Variants in SLC25A26 observed in about 807,000 individuals in gnomAD.
SLC25A26 encodes mitochondrial S-adenosylmethionine carrier protein.
A neutral mutation model predicts 37.8 loss-of-function variants in SLC25A26; 36 were observed. That is an observed-to-expected ratio of 0.95 (90% CI 0.73 to 1.26). The LOEUF is 1.26. SLC25A26 is among the 50% of genes most tolerant of loss of function. The pLI is 0.00. For synonymous variants in SLC25A26, 129 were observed against 122.5 expected (o/e 1.05, Z -0.35); for missense variants, 390 against 331.1 (o/e 1.18, Z -1.38).
chr3:66,309,406 T>C (rs949943911), intron 5 of SLC25A26, among the ~76,000 whole-genome samples: 2 of 151,698 alleles, frequency 1.3e-5, no homozygotes, highest in African/African-American at 4.8e-5. Context: ...TCTCTCTTCA[T>C]TGGTCTGGCT....
chr3:66,308,658 C>A (rs555332642), intron 5 of SLC25A26, among the ~76,000 whole-genome samples: 8 of 151,298 alleles, frequency 5.3e-5, no homozygotes, highest in Non-Finnish European at 1.5e-5. Context: ...TATTCCATAA[C>A]TATTCATAAC....
At chr3:66,164,316 G>A (rs1489828721) in intron 1 of SLC25A26, among the ~76,000 whole-genome samples, 1 of 152,144 alleles carries the variant, frequency 6.6e-6, no homozygotes, top group Admixed American at 6.5e-5. Context: ...AGATATCTGG[G>A]TGAGCTTCCC....
chr3:66,333,521 G>C (rs531169113), intron 5 of SLC25A26, among the ~76,000 whole-genome samples: 5 of 152,064 alleles, frequency 3.3e-5, no homozygotes, highest in African/African-American at 9.7e-5. Flanking sequence ...TAATTTTTCC[G>C]ACTCATACTG....
chr3:66,233,234 G>T (rs2072117199), intron 1 of SLC25A26, among the ~76,000 whole-genome samples: 1 of 152,206 alleles, frequency 6.6e-6, no homozygotes, highest in Admixed American at 6.5e-5. Context: ...CAGAGTAATT[G>T]CAGAGCACTA....
At chr3:66,323,244 T>G (rs542313076) in intron 5 of SLC25A26, among the ~76,000 whole-genome samples, 3 of 152,232 alleles carry the variant, frequency 2.0e-5, no homozygotes, top group Non-Finnish European at 4.4e-5. Flanking sequence ...GTATTGAGTG[T>G]CTTGCCTTTA....
intron 5 of SLC25A26, among the ~76,000 whole-genome samples, chr3:66,268,872 C>T (rs958611590): frequency 5.9e-5 from 9 of 152,240 alleles, no homozygotes; most frequent in African/African-American, 2.2e-4. Context: ...CTCTCTCCTT[C>T]TGCCATGTAA....
At chr3:66,204,540 G>A (rs1344572498) in intron 1 of SLC25A26, among the ~76,000 whole-genome samples, 1 of 152,012 alleles carries the variant, frequency 6.6e-6, no homozygotes, top group African/African-American at 2.4e-5. Flanking sequence ...AACTCCTGGA[G>A]GTTTATCCTT....
At chr3:66,282,056 C>G (rs1206260881) in intron 5 of SLC25A26, among the ~76,000 whole-genome samples, 2 of 133,134 alleles carry the variant, frequency 1.5e-5, no homozygotes. Context: ...CCAGGCCGGA[C>G]TGCGGACTGC....
intron 6 of SLC25A26, among the ~76,000 whole-genome samples, chr3:66,360,896 A>G (rs2076691622): frequency 6.6e-6 from 1 of 152,232 alleles, no homozygotes; most frequent in Non-Finnish European, 1.5e-5. Flanking sequence ...AGGAATTGAT[A>G]ATCAGATTGC....
At chr3:66,257,349 A>G (rs949733769) in intron 3 of SLC25A26, among the ~76,000 whole-genome samples, 5 of 152,152 alleles carry the variant, frequency 3.3e-5, no homozygotes, top group Non-Finnish European at 5.9e-5. Context: ...TCTTCATTTT[A>G]AAATGAATTA....
chr3:66,299,666 G>T (rs1173126058), intron 5 of SLC25A26, among the ~76,000 whole-genome samples: 1 of 152,098 alleles, frequency 6.6e-6, no homozygotes, highest in African/African-American at 2.4e-5. Flanking sequence ...GTGTGCATGA[G>T]GTGTGTGTTT....
chr3:66,263,709 C>A (rs540414184), intron 5 of SLC25A26, among the ~76,000 whole-genome samples: 6 of 151,970 alleles, frequency 3.9e-5, no homozygotes, highest in Non-Finnish European at 7.4e-5. Flanking sequence ...CCCAGGCTGG[C>A]GTGCAGTGGC....
At chr3:66,223,064 A>G (rs1014251073) in intron 1 of SLC25A26, among the ~76,000 whole-genome samples, 2 of 152,238 alleles carry the variant, frequency 1.3e-5, no homozygotes, top group East Asian at 1.9e-4. Flanking sequence ...GGCTTTGTAG[A>G]TACAGTGGCA....
At chr3:66,338,505 T>C (rs1479527307) in intron 5 of SLC25A26, among the ~76,000 whole-genome samples, 1 of 151,690 alleles carries the variant, frequency 6.6e-6, no homozygotes, top group Non-Finnish European at 1.5e-5. Context: ...TTGCGGCTTC[T>C]AAAAAAAAAT....
chr3:66,365,689 G>A lies in SLC25A26; in HGVS notation c.568+2760G>A, dbSNP rs1418107236. Among the ~76,000 whole-genome samples the A allele has an allele frequency of 5.3e-5, 8 of 152,156 alleles. No homozygotes were observed. The East Asian group carries it at 1.5e-3, about 29-fold the overall frequency. On this transcript the variant is annotated intron_variant, in intron 7 of 9. Coordinates refer to ENST00000354883, the MANE Select transcript of SLC25A26 (RefSeq NM_001379210.1). ...TTTGAAATTCGAGAACAGGGTGAGGGATTATTTGGGTAACAAATGAGAAGG... is the reference window on the plus strand; with the variant it reads ...TTTGAAATTCGAGAACAGGGTGAGGAATTATTTGGGTAACAAATGAGAAGG...
chr3:66,271,272 AAAG>A (rs1228463293), intron 5 of SLC25A26, among the ~76,000 whole-genome samples: 1 of 152,184 alleles, frequency 6.6e-6, no homozygotes, highest in Non-Finnish European at 1.5e-5. Flanking sequence ...TTTCACCAAA[AAAG>A]TTTTCTGTTT....
chr3:66,236,898 G>T (rs1478559690), intron 2 of SLC25A26, among the ~76,000 whole-genome samples, 198 bp downstream of exon 2: 1 of 152,172 alleles, frequency 6.6e-6, no homozygotes, highest in Non-Finnish European at 1.5e-5. Flanking sequence ...ATGCAGTGGT[G>T]AGATAATAGC....
In SLC25A26 at chr3:66,377,814, G is replaced by C. The variant is rs1575633822; in HGVS notation, c.*7G>C. On this transcript the variant is annotated 3_prime_UTR_variant, in exon 10 of 10. Coordinates refer to ENST00000354883, the MANE Select transcript of SLC25A26 (RefSeq NM_001379210.1). ...TGGCAGAAAGAGTCCTTGAAGCAGA[G>C]ACAAGCCTCACCTCCACTTCTGTCA... 1 of 1,605,416 alleles carries C rather than the reference G, an allele frequency of 6.2e-7. No individual in the cohort carries two copies. The highest frequency in any genetic ancestry group is 1.7e-4 in the Middle Eastern group (1 of 6,046).
intron 5 of SLC25A26, among the ~76,000 whole-genome samples, chr3:66,279,679 T>C (rs935846352): frequency 1.3e-5 from 2 of 152,212 alleles, no homozygotes; most frequent in East Asian, 1.9e-4. Flanking sequence ...GTTAATGTTA[T>C]GATTCTTAGA....
Sources: gnomAD v4.1 joint callset for allele counts (sites outside exome capture counted in the v4.1 genomes callset) on GRCh38, gnomAD v4.1.1 for gene constraint, MANE v1.5 for transcripts, NCBI Gene and HGNC (gene_info 2026-07-23, HGNC 2026-07-21) for gene names.